Variants in MAPKAP1 observed in about 807,000 individuals in gnomAD.
The protein encoded by MAPKAP1 is MAPK associated protein 1, also known as target of rapamycin complex 2 subunit MAPKAP1.
Under a neutral mutation model 65.7 loss-of-function variants are expected in MAPKAP1, and 20 were observed. The ratio of observed to expected loss-of-function variants is 0.30; its 90% CI spans 0.21 to 0.44. MAPKAP1 has a LOEUF of 0.44. MAPKAP1 is among the 20% of genes least tolerant of loss of function. MAPKAP1 has a pLI of 1.00. For missense variants in MAPKAP1, 423 were observed against 648.0 expected (o/e 0.65, Z 3.77); for synonymous variants, 222 against 244.3 (o/e 0.91, Z 0.85).
chr9:125,646,472 C>T (rs1446933582), intron 4 of MAPKAP1, among the ~76,000 whole-genome samples: 1 of 152,146 alleles, frequency 6.6e-6, no homozygotes, highest in Non-Finnish European at 1.5e-5. Context: ...GAGGACTGAA[C>T]AAATTGCTAC....
intron 10 of MAPKAP1, among the ~76,000 whole-genome samples, chr9:125,445,444 A>G (rs73668950): frequency 0.021 from 3,146 of 152,334 alleles, 116 homozygotes; most frequent in African/African-American, 0.072. Flanking sequence ...AGATTTGCTG[A>G]TCCTGGGTGG....
At chr9:125,446,527 G>A (rs73591516) in intron 10 of MAPKAP1, among the ~76,000 whole-genome samples, 2,097 of 152,184 alleles carry the variant, frequency 0.014, 55 homozygotes, top group African/African-American at 0.047. Context: ...GAATCTTGTC[G>A]GTGACATCCC....
Position 125,679,668 on chromosome 9 carries a change from C to A in MAPKAP1, c.-69-7025G>T, listed in dbSNP as rs532114573. On this transcript the variant is annotated intron_variant, in intron 1 of 11. Transcript: ENST00000265960. ...ACTTCAAGTCTATACCTGAAATACT[C>A]TATTTCTTCAAATAACTCACTACAA... Among the ~76,000 whole-genome samples, 446 of 152,276 alleles carry A rather than the reference C, an allele frequency of 2.9e-3. 3 individuals are homozygous for A. The highest frequency in any genetic ancestry group is 4.0e-3 in the Non-Finnish European group (269 of 68,024).
At chr9:125,693,584 TACACGTATAC>T (rs1564619965) in intron 1 of MAPKAP1, among the ~76,000 whole-genome samples, 1 of 149,168 alleles carries the variant, frequency 6.7e-6, no homozygotes, top group African/African-American at 2.5e-5. Context: ...CACACATATA[TACACGTATAC>T]ACACACACAT....
rs1831918527 is a variant in MAPKAP1 at position 125,590,324 on chromosome 9, G to A, written c.499-4597C>T. Among the ~76,000 whole-genome samples, 3 of 152,124 alleles carry A rather than the reference G, an allele frequency of 2.0e-5. No homozygotes were observed. In the South Asian group the frequency reaches 6.2e-4, roughly 32 times the overall value. On this transcript the variant is annotated intron_variant, in intron 4 of 11. Transcript: ENST00000265960. ...CATGAGGCCAAGAACGGGTACTGCA[G>A]GAACACTAATAATACTGACTATTGT...
At chr9:125,554,806 A>AG (rs1830690255) in intron 6 of MAPKAP1, among the ~76,000 whole-genome samples, 1 of 151,908 alleles carries the variant, frequency 6.6e-6, no homozygotes, top group African/African-American at 2.4e-5. Flanking sequence ...AAAAAAAAAA[A>AG]AAAAAAAAAA....
At chr9:125,618,736 C>T (rs1205714322) in intron 4 of MAPKAP1, among the ~76,000 whole-genome samples, 1 of 152,130 alleles carries the variant, frequency 6.6e-6, no homozygotes, top group African/African-American at 2.4e-5. Context: ...AACAAACAAA[C>T]AGCTATTTAA....
intron 10 of MAPKAP1, among the ~76,000 whole-genome samples, chr9:125,459,767 A>C (rs1324512234): frequency 6.8e-6 from 1 of 147,890 alleles, no homozygotes; most frequent in Non-Finnish European, 1.5e-5. Flanking sequence ...TGGCAGCAGT[A>C]CAGTCCAGCT....
At chr9:125,679,408 A>G (rs1455571171) in intron 1 of MAPKAP1, among the ~76,000 whole-genome samples, 1 of 152,208 alleles carries the variant, frequency 6.6e-6, no homozygotes, top group African/African-American at 2.4e-5. Context: ...TGTGTTATGC[A>G]GTAGAGTAAA....
intron 4 of MAPKAP1, among the ~76,000 whole-genome samples, chr9:125,612,384 G>C (rs1215127418): frequency 3.3e-5 from 5 of 152,126 alleles, no homozygotes; most frequent in Non-Finnish European, 7.3e-5. Context: ...TAGTGTCACA[G>C]CTTCTGTACA....
chr9:125,439,061 C>A lies in MAPKAP1; in HGVS notation c.1444-49G>T, dbSNP rs1261679334. 1.9e-6 allele frequency: 3 copies of A among 1,602,416 alleles called. No individual in the cohort carries two copies. Among genetic ancestry groups the A allele is most frequent in the Non-Finnish European group, 2.6e-6 (3 of 1,173,734 alleles). On this transcript the variant is annotated intron_variant, in intron 11 of 11. Transcript: ENST00000265960. The surrounding 1 kb of genome is among the most constrained non-coding windows in gnomAD (Gnocchi z 4.0). Reference sequence around the variant, plus strand: ...GGTCACCTTGCCAGCCGCTCCCTACCCACCCAGGGCATCGGAGGGGGTGGC... The same window carrying A: ...GGTCACCTTGCCAGCCGCTCCCTACACACCCAGGGCATCGGAGGGGGTGGC...
At chr9:125,677,616 A>T (rs1386197827) in intron 1 of MAPKAP1, among the ~76,000 whole-genome samples, 1 of 152,072 alleles carries the variant, frequency 6.6e-6, no homozygotes, top group Non-Finnish European at 1.5e-5. Context: ...AAATCTCTTG[A>T]ACCTGGCAGG....
chr9:125,596,036 T>C, intron 4 of MAPKAP1: 2 of 1,425,274 alleles, frequency 1.4e-6, no homozygotes, highest in East Asian at 4.5e-5. Flanking sequence ...TGCGAGATTA[T>C]TTTGAACAGC....
At chr9:125,683,412 G>A (rs996056256) in intron 1 of MAPKAP1, among the ~76,000 whole-genome samples, 1 of 152,164 alleles carries the variant, frequency 6.6e-6, no homozygotes, top group South Asian at 2.1e-4. Flanking sequence ...CACCTGAAGA[G>A]AGCAATTCTA....
chr9:125,678,960 T>C (rs1017130121), intron 1 of MAPKAP1, among the ~76,000 whole-genome samples: 1 of 151,538 alleles, frequency 6.6e-6, no homozygotes, highest in African/African-American at 2.4e-5. Context: ...ACAGAGCCTC[T>C]CAAAACAAAG....
At chr9:125,483,967 A>G (rs1193211669) in intron 9 of MAPKAP1, among the ~76,000 whole-genome samples, 2 of 152,232 alleles carry the variant, frequency 1.3e-5, no homozygotes, top group South Asian at 2.1e-4. Flanking sequence ...AATTTAGCAC[A>G]TAATTAGAAC....
chr9:125,640,934 T>C (rs540985247), intron 4 of MAPKAP1, among the ~76,000 whole-genome samples: 1 of 152,252 alleles, frequency 6.6e-6, no homozygotes, highest in African/African-American at 2.4e-5. Flanking sequence ...TTTTAATACA[T>C]GTGGTTCTTC....
intron 7 of MAPKAP1, among the ~76,000 whole-genome samples, chr9:125,519,811 G>A (rs1320355272): frequency 6.6e-6 from 1 of 151,982 alleles, no homozygotes; most frequent in Non-Finnish European, 1.5e-5. Context: ...TCTACCCAGA[G>A]CCACAGAAAA....
intron 5 of MAPKAP1, among the ~76,000 whole-genome samples, chr9:125,576,957 G>C (rs1385805647): frequency 6.6e-6 from 1 of 151,962 alleles, no homozygotes; most frequent in Non-Finnish European, 1.5e-5. Context: ...TGGGAAGTGA[G>C]GAGCGTCTCT....
Sources: gnomAD v4.1 joint callset for allele counts (sites outside exome capture counted in the v4.1 genomes callset) on GRCh38, gnomAD v4.1.1 for gene constraint, Gnocchi (gnomAD v3.1) non-coding constraint, MANE v1.5 for transcripts, NCBI Gene and HGNC (gene_info 2026-07-23, HGNC 2026-07-21) for gene names.